SPEN: variants seen among roughly 807,000 people sequenced by gnomAD.
SPEN encodes spen family transcriptional repressor, also known as msx2-interacting protein.
In SPEN, 18 loss-of-function variants were observed where a neutral mutation model predicts 269.9. That is an observed-to-expected ratio of 0.07 (90% confidence interval 0.05 to 0.10). The LOEUF is 0.10. Ranked by LOEUF, SPEN falls within the 10% of genes least tolerant of loss-of-function variation. The pLI is 1.00. For missense variants in SPEN, 3,822 were observed against 4,631.2 expected (o/e 0.83, Z 5.07); for synonymous variants, 1,726 against 1,765.7 (o/e 0.98, Z 0.56).
At chr1:15,867,593 A>G (rs570191651) in intron 1 of SPEN, among the ~76,000 whole-genome samples, 7 of 151,746 alleles carry the variant, frequency 4.6e-5, no homozygotes, top group Non-Finnish European at 1.0e-4. Context: ...AAATATCTGT[A>G]TATTTGTTGT....
rs530025762 is a variant in SPEN at position 15,858,937 on chromosome 1, C to G, written c.83+10787C>G. 6.6e-5 allele frequency among the ~76,000 whole-genome samples: 10 copies of G among 152,152 alleles called. No homozygotes were observed. The South Asian group carries it at 1.9e-3, about 28-fold the overall frequency. On this transcript the variant is annotated intron_variant, in intron 1 of 14. Transcript: ENST00000375759. Reference sequence around the variant, plus strand: ...CTACCCTGGGCAATAGAGAAAAACCCTGTCTCAAAAAACAAACAAACAAAA... The same window carrying G: ...CTACCCTGGGCAATAGAGAAAAACCGTGTCTCAAAAAACAAACAAACAAAA...
chr1:15,865,613 G>A (rs1410193949), intron 1 of SPEN, among the ~76,000 whole-genome samples: 2 of 151,072 alleles, frequency 1.3e-5, no homozygotes, highest in Admixed American at 6.6e-5. Flanking sequence ...TAGTAGAGAC[G>A]GGGTTTCACC....
intron 3 of SPEN, among the ~76,000 whole-genome samples, chr1:15,882,692 A>G (rs1220487203): frequency 1.3e-5 from 2 of 152,172 alleles, no homozygotes; most frequent in African/African-American, 4.8e-5. Flanking sequence ...CCATGAGCCG[A>G]GGAATGCACA....
At chr1:15,863,656 C>CTCT (rs1410259566) in intron 1 of SPEN, among the ~76,000 whole-genome samples, 2 of 152,018 alleles carry the variant, frequency 1.3e-5, no homozygotes, top group African/African-American at 2.4e-5. Context: ...GCCTAGGCAA[C>CTCT]ATGTTGAGAC....
At chr1:15,854,270 C>T (rs912537629) in intron 1 of SPEN, among the ~76,000 whole-genome samples, 8 of 151,854 alleles carry the variant, frequency 5.3e-5, no homozygotes, top group East Asian at 3.8e-4. Flanking sequence ...CTGTTCAGCC[C>T]CTTGAAACAC....
chr1:15,856,807 A>G (rs2070392885), intron 1 of SPEN, among the ~76,000 whole-genome samples: 1 of 151,972 alleles, frequency 6.6e-6, no homozygotes, highest in Non-Finnish European at 1.5e-5. Flanking sequence ...ATCTTAGGTG[A>G]TCCGCCCACC....
In SPEN at chr1:15,898,503, T is replaced by C. The variant is rs549503925; in HGVS notation, c.882-10818T>C. Among the ~76,000 whole-genome samples, 7 of 152,074 alleles carry C rather than the reference T, an allele frequency of 4.6e-5. No homozygotes were observed. In the East Asian group the frequency reaches 7.7e-4, roughly 17 times the overall value. On this transcript the variant is annotated intron_variant, in intron 3 of 14. Transcript: ENST00000375759. ...CTGGTTTATTTCATTTAGCATAATA[T>C]CTTCAAGGTTCATTCATGATGTAGC...
At position 15,934,620 on chromosome 1, in the gene SPEN, G is replaced by A. The variant is rs1055178218; in HGVS notation, c.8380G>A (p.Asp2794Asn). ...RFHPGSMPVI[D>N]DRPADAGSGA... ...CCACCCAGGGTCCATGCCTGTGATC[G>A]ACGATCGTCCGGCAGACGCGGGCTC... The change falls in exon 11 of 15, where the codon GAC (aspartate) becomes AAC (asparagine). Residue 2794 changes from aspartate (D) to asparagine (N), a missense_variant. Around this residue, in one of 16 missense-constraint regions of SPEN, gnomAD observed 329 missense variants for 431.2 expected, o/e 0.76. Coordinates refer to ENST00000375759, the MANE Select transcript of SPEN (RefSeq NM_015001.3). The surrounding 1 kb of genome is among the most constrained non-coding windows in gnomAD (Gnocchi z 9.2). 1.9e-6 allele frequency: 3 copies of A among 1,613,850 alleles called. No homozygotes were observed. The highest frequency in any genetic ancestry group is 2.5e-6 in the Non-Finnish European group (3 of 1,179,790).
At chr1:15,885,328 G>C (rs2070727054) in intron 3 of SPEN, among the ~76,000 whole-genome samples, 1 of 152,116 alleles carries the variant, frequency 6.6e-6, no homozygotes, top group African/African-American at 2.4e-5. Flanking sequence ...ATCGTCTAGA[G>C]GTTTCAAAAG....
intron 3 of SPEN, among the ~76,000 whole-genome samples, chr1:15,903,583 G>A (rs888412763): frequency 5.9e-5 from 9 of 152,154 alleles, no homozygotes; most frequent in South Asian, 2.1e-4. Flanking sequence ...GTCCTGTTGC[G>A]CAGGCTGGTC....
chr1:15,871,653 G>A (rs1479170842), intron 1 of SPEN, among the ~76,000 whole-genome samples: 1 of 152,084 alleles, frequency 6.6e-6, no homozygotes, highest in Non-Finnish European at 1.5e-5. Flanking sequence ...ACTCCCTGGA[G>A]AAAGAAAATT....
At chr1:15,868,692 C>T (rs1486665286) in intron 1 of SPEN, among the ~76,000 whole-genome samples, 1 of 152,146 alleles carries the variant, frequency 6.6e-6, no homozygotes, top group African/African-American at 2.4e-5. Context: ...CCTTGGCCTC[C>T]CAAAGTGCTG....
chr1:15,875,422 A>C (rs940801510), intron 2 of SPEN, among the ~76,000 whole-genome samples: 2 of 152,206 alleles, frequency 1.3e-5, no homozygotes, highest in Non-Finnish European at 2.9e-5. Flanking sequence ...TACATTAAGA[A>C]ATTGAATCAT....
At chr1:15,913,031 C>G (rs1018281315) in intron 5 of SPEN, among the ~76,000 whole-genome samples, 1 of 152,180 alleles carries the variant, frequency 6.6e-6, no homozygotes, top group African/African-American at 2.4e-5. Flanking sequence ...GAAAAGCTAA[C>G]TACTTTTCCC....
In SPEN at chr1:15,930,755, A is replaced by T; in HGVS notation, c.4515A>T (p.Glu1505Asp). Residue 1505 changes from glutamate to aspartate, a missense_variant, in exon 11 of 15, where the codon GAA (glutamate) becomes GAT (aspartate). Transcript: ENST00000375759. The surrounding 1 kb of genome is among the most constrained non-coding windows in gnomAD (Gnocchi z 5.3). The part of the protein sequence containing the change: ...MKKKKIRTDS[E>D]GKMDDKKEDH... ...AGAAGAAAATTAGGACTGATTCAGA[A>T]GGGAAAATGGATGATAAGAAAGAGG... 1.2e-6 allele frequency: 2 copies of T among 1,614,166 alleles called. No homozygotes were observed. The highest frequency in any genetic ancestry group is 1.7e-6 in the Non-Finnish European group (2 of 1,180,018).
chr1:15,881,151 G>A (rs1458428865), intron 3 of SPEN, among the ~76,000 whole-genome samples: 9 of 151,960 alleles, frequency 5.9e-5, no homozygotes, highest in Admixed American at 2.0e-4. Context: ...TAAATTTTTC[G>A]TAGAGACAAA....
chr1:15,907,158 A>G (rs1240241786), intron 3 of SPEN, among the ~76,000 whole-genome samples: 3 of 152,174 alleles, frequency 2.0e-5, no homozygotes, highest in African/African-American at 7.2e-5. Flanking sequence ...GTTTTCTATA[A>G]GAAAACATAG....
At chr1:15,858,091 G>A (rs2070404964) in intron 1 of SPEN, among the ~76,000 whole-genome samples, 2 of 152,098 alleles carry the variant, frequency 1.3e-5, no homozygotes, top group South Asian at 4.1e-4. Flanking sequence ...TCGTGCCACT[G>A]TACTCCAGCC....
At chr1:15,880,453 CTTTTTTT>C (rs371820417) in intron 3 of SPEN, among the ~76,000 whole-genome samples, 1 of 110,988 alleles carries the variant, frequency 9.0e-6, no homozygotes, top group East Asian at 2.2e-4. Flanking sequence ...GTAATTATAG[CTTTTTTT>C]TTTTTTTTTT....
Sources: gnomAD v4.1 joint callset for allele counts (sites outside exome capture counted in the v4.1 genomes callset) on GRCh38, gnomAD v4.1.1 for gene constraint, gnomAD v4.1.1 regional missense constraint, Gnocchi (gnomAD v3.1) non-coding constraint, MANE v1.5 for transcripts, NCBI Gene and HGNC (gene_info 2026-07-23, HGNC 2026-07-21) for gene names.